LGR6: variants seen among roughly 807,000 people sequenced by gnomAD.
LGR6 encodes leucine rich repeat containing G protein-coupled receptor 6.
LGR6 carries 45 observed loss-of-function variants against 69.4 expected under a neutral mutation model. The ratio of observed to expected loss-of-function variants is 0.65; its 90% CI spans 0.51 to 0.83. The LOEUF (loss-of-function observed/expected upper bound fraction) is 0.83, where lower values mean the gene tolerates loss of function less well. Ranked by LOEUF, LGR6 falls within the 40% of genes least tolerant of loss-of-function variation. The pLI, the probability that LGR6 is intolerant of heterozygous loss-of-function variation, is 0.00. For missense variants in LGR6, 1,108 were observed against 1,246.7 expected (o/e 0.89, Z 1.68); for synonymous variants, 538 against 555.0 (o/e 0.97, Z 0.43).
rs555447010 is a variant in LGR6, at chr1:202,317,657, T to C, written c.1649-295T>C. Among the ~76,000 whole-genome samples, 50 of 152,340 alleles carry C rather than the reference T, an allele frequency of 3.3e-4. 1 individual carries two copies. Among genetic ancestry groups the C allele is most frequent in the African/African-American group, 1.1e-3 (47 of 41,572 alleles). ...CACCATGCCTGGCCTATATGCGTTCTATGTTCTGGTGTATTGAGAGGAGGG... is the reference window on the plus strand; with the variant it reads ...CACCATGCCTGGCCTATATGCGTTCCATGTTCTGGTGTATTGAGAGGAGGG... On this transcript the variant is annotated intron_variant, in intron 17 of 17. Transcript: ENST00000367278.
chr1:202,229,823 G>C (rs1192813550), intron 3 of LGR6, among the ~76,000 whole-genome samples: 1 of 152,174 alleles, frequency 6.6e-6, no homozygotes, highest in African/African-American at 2.4e-5. Context: ...TCAGTCCTTG[G>C]CCTACAGAAC....
At chr1:202,214,419 G>T (rs895188610) in intron 1 of LGR6, among the ~76,000 whole-genome samples, 2 of 151,360 alleles carry the variant, frequency 1.3e-5, no homozygotes, top group Non-Finnish European at 2.9e-5. Flanking sequence ...GCCATGGAGC[G>T]GGCGGCGCGG....
chr1:202,306,370 T>TTGGGGC (rs1011107260), intron 12 of LGR6, among the ~76,000 whole-genome samples: 8 of 152,142 alleles, frequency 5.3e-5, no homozygotes, highest in African/African-American at 1.9e-4. Context: ...ACCATGCATT[T>TTGGGGC]TGGGGCTGGG....
chr1:202,285,717 C>G (rs940834979), intron 6 of LGR6, among the ~76,000 whole-genome samples: 1 of 152,158 alleles, frequency 6.6e-6, no homozygotes, highest in Non-Finnish European at 1.5e-5. Flanking sequence ...CTCATCTCCT[C>G]TGTAGGATGG....
intron 4 of LGR6, among the ~76,000 whole-genome samples, chr1:202,265,250 C>T (rs1664550826): frequency 6.6e-6 from 1 of 152,196 alleles, no homozygotes; most frequent in South Asian, 2.1e-4. Flanking sequence ...ACCTCCTCTG[C>T]TCCCCATGCT....
chr1:202,305,140 C>G (rs1378910132), intron 11 of LGR6, among the ~76,000 whole-genome samples: 1 of 152,078 alleles, frequency 6.6e-6, no homozygotes, highest in South Asian at 2.1e-4. Flanking sequence ...GGAAAGAGCC[C>G]TAGGCTGGGG....
Position 202,297,170 on chromosome 1 carries a change from C to A in LGR6, c.717-338C>A, listed in dbSNP as rs147902194. Among the ~76,000 whole-genome samples the A allele has an allele frequency of 7.8e-3, 1,191 of 152,288 alleles. 13 individuals are homozygous for A. The highest frequency in any genetic ancestry group is 0.029 in the South Asian group (140 of 4,828). Reference sequence around the variant, plus strand: ...GATGTTAACGATCACCCACTTCCCCCCTTCCTCCACTCCTCTGATGTCTCC... The same window carrying A: ...GATGTTAACGATCACCCACTTCCCCACTTCCTCCACTCCTCTGATGTCTCC... On this transcript the variant is annotated intron_variant, in intron 6 of 17. Coordinates refer to ENST00000367278, the MANE Select transcript of LGR6 (RefSeq NM_001017403.2).
intron 4 of LGR6, among the ~76,000 whole-genome samples, chr1:202,273,923 G>A (rs557303348): frequency 7.9e-5 from 12 of 152,176 alleles, no homozygotes; most frequent in African/African-American, 2.2e-4. Context: ...GACTTCTTCC[G>A]TGTGGTCCTA....
chr1:202,237,187 C>T (rs1661644120), intron 4 of LGR6, among the ~76,000 whole-genome samples: 1 of 152,244 alleles, frequency 6.6e-6, no homozygotes, highest in Non-Finnish European at 1.5e-5. Flanking sequence ...GCTTCTGCCC[C>T]CCCTTCCCAA....
intron 4 of LGR6, among the ~76,000 whole-genome samples, chr1:202,252,883 T>A (rs931923357): frequency 1.3e-5 from 2 of 152,222 alleles, no homozygotes; most frequent in African/African-American, 4.8e-5. Context: ...AAAGTAAGCC[T>A]TAGGGAGCAT....
At chr1:202,227,659 TC>T in intron 2 of LGR6, among the ~76,000 whole-genome samples, 1 of 152,292 alleles carries the variant, frequency 6.6e-6, no homozygotes, top group South Asian at 2.1e-4. Context: ...AACACCAGGC[TC>T]TGCCATGGAC....
chr1:202,312,259 A>G (rs897743070), intron 16 of LGR6, among the ~76,000 whole-genome samples: 6 of 152,172 alleles, frequency 3.9e-5, no homozygotes, highest in African/African-American at 1.4e-4. Context: ...GTTACTTAAC[A>G]CCTTGGCTGT....
rs116047540 is a variant in LGR6, at chr1:202,263,029, T to A, written c.429-13277T>A. Reference sequence around the variant, plus strand: ...TTTTTTTCTTTTCATGGATTTTTGTTCCTGTTTCAGAGAGGTCATGATTTC... The same window carrying A: ...TTTTTTTCTTTTCATGGATTTTTGTACCTGTTTCAGAGAGGTCATGATTTC... On this transcript the variant is annotated intron_variant, in intron 4 of 17. Coordinates refer to ENST00000367278, the MANE Select transcript of LGR6 (RefSeq NM_001017403.2). 8.2e-3 allele frequency among the ~76,000 whole-genome samples: 1,253 copies of A among 152,204 alleles called. 9 individuals carry two copies. The highest frequency in any genetic ancestry group is 0.014 in the Non-Finnish European group (968 of 68,020).
At position 202,319,321 on chromosome 1, in the gene LGR6, A is replaced by G; in HGVS notation, c.*114A>G. 1.7e-6 allele frequency: 2 copies of G among 1,180,682 alleles called. No individual in the cohort carries two copies. The highest frequency in any genetic ancestry group is 2.3e-6 in the Non-Finnish European group (2 of 862,436). 73.1% of individuals were successfully genotyped at this position (1,180,682 alleles called of 1,614,324 possible). On this transcript the variant is annotated 3_prime_UTR_variant, in exon 18 of 18. Coordinates refer to ENST00000367278, the MANE Select transcript of LGR6 (RefSeq NM_001017403.2). Reference sequence around the variant, plus strand: ...AAAACTCAGCAGTGTGATCTATAGCAGGATGGCCCAGTCCCTGGCTCCACT... The same window carrying G: ...AAAACTCAGCAGTGTGATCTATAGCGGGATGGCCCAGTCCCTGGCTCCACT...
At chr1:202,216,788 C>T (rs546193678) in intron 1 of LGR6, among the ~76,000 whole-genome samples, 2 of 152,292 alleles carry the variant, frequency 1.3e-5, no homozygotes, top group African/African-American at 4.8e-5. Context: ...CTGTGGGTGG[C>T]ATGGCTTGGC....
intron 4 of LGR6, among the ~76,000 whole-genome samples, chr1:202,239,195 G>C (rs1299581485): frequency 2.0e-5 from 3 of 152,194 alleles, no homozygotes; most frequent in Non-Finnish European, 2.9e-5. Flanking sequence ...GCGTACGCAA[G>C]TAGCCCTGCG....
intron 6 of LGR6, among the ~76,000 whole-genome samples, chr1:202,289,544 G>A (rs1486484176): frequency 2.0e-5 from 3 of 152,218 alleles, no homozygotes; most frequent in African/African-American, 2.4e-5. Flanking sequence ...GAAAGAGAAC[G>A]TAGGTGGAAG....
chr1:202,219,169 T>C (rs1183847481), intron 1 of LGR6, among the ~76,000 whole-genome samples: 5 of 152,234 alleles, frequency 3.3e-5, no homozygotes, highest in African/African-American at 1.2e-4. Context: ...CACCAAATGG[T>C]CTCCGTGGCG....
intron 6 of LGR6, among the ~76,000 whole-genome samples, chr1:202,290,550 C>G (rs1170765132): frequency 2.6e-5 from 4 of 152,186 alleles, no homozygotes; most frequent in African/African-American, 9.7e-5. Context: ...CAATTTACCT[C>G]CTCTCTCCAA....
Sources: gnomAD v4.1 joint callset for allele counts (sites outside exome capture counted in the v4.1 genomes callset) on GRCh38, gnomAD v4.1.1 for gene constraint, MANE v1.5 for transcripts, NCBI Gene and HGNC (gene_info 2026-07-23, HGNC 2026-07-21) for gene names.